GRID2: variants seen among roughly 807,000 people sequenced by gnomAD.
GRID2 encodes the protein glutamate receptor ionotropic, delta-2.
Under a neutral mutation model 114.8 loss-of-function variants are expected in GRID2, and 33 were observed. That is an observed-to-expected ratio of 0.29 (90% CI 0.22 to 0.38). GRID2 has a LOEUF of 0.38. GRID2 is among the 10% of genes least tolerant of loss of function. The pLI is 1.00. For missense variants in GRID2, 1,184 were observed against 1,257.7 expected (o/e 0.94, Z 0.89); for synonymous variants, 505 against 449.9 (o/e 1.12, Z -1.55).
chr4:93,780,256 G>A (rs1235834971), intron 1 of GRID2, among the ~76,000 whole-genome samples: 1 of 152,206 alleles, frequency 6.6e-6, no homozygotes, highest in African/African-American at 2.4e-5. Flanking sequence ...TAAATGGACT[G>A]AGGGAGTTAG....
At chr4:93,295,752 A>G (rs1262059761) in intron 8 of GRID2, among the ~76,000 whole-genome samples, 2 of 152,174 alleles carry the variant, frequency 1.3e-5, no homozygotes, top group Non-Finnish European at 2.9e-5. Flanking sequence ...TCAATTATTT[A>G]TAGGCTTTAA....
In GRID2 at chr4:92,672,561, T is replaced by C. The variant is rs972420896; in HGVS notation, c.244+82275T>C. The stretch of plus-strand genomic sequence containing the variant: ...TCTTGTCTTTTACTCAGTCCAACAG[T>C]TTCTAACTTAATAAGAGTGTTTGCT... On this transcript the variant is annotated intron_variant, in intron 2 of 15. Coordinates refer to ENST00000282020, the MANE Select transcript of GRID2 (RefSeq NM_001510.4). Among the ~76,000 whole-genome samples, 6 of 152,126 alleles carry C rather than the reference T, an allele frequency of 3.9e-5. No individual in the cohort carries two copies. The East Asian group carries it at 1.2e-3, about 29-fold the overall frequency.
intron 14 of GRID2, among the ~76,000 whole-genome samples, chr4:93,740,215 T>G (rs547267808): frequency 7.2e-5 from 11 of 152,224 alleles, no homozygotes; most frequent in Admixed American, 4.6e-4. Context: ...CTACACTGTA[T>G]AGCCTATGTG....
intron 4 of GRID2, among the ~76,000 whole-genome samples, chr4:93,183,263 T>G (rs965569273): frequency 6.6e-6 from 1 of 152,172 alleles, no homozygotes; most frequent in Non-Finnish European, 1.5e-5. Context: ...CTTCACAAAA[T>G]GTTTGACAGT....
intron 13 of GRID2, among the ~76,000 whole-genome samples, chr4:93,599,325 C>T (rs1457457833): frequency 1.3e-5 from 2 of 152,174 alleles, no homozygotes; most frequent in Admixed American, 6.5e-5. Context: ...CACAAGGAAA[C>T]TTAAAAGTGT....
chr4:92,679,928 A>AC (rs1733564014), intron 2 of GRID2, among the ~76,000 whole-genome samples: 2 of 151,672 alleles, frequency 1.3e-5, no homozygotes, highest in African/African-American at 4.8e-5. Flanking sequence ...AAAAAAAAAA[A>AC]CATATCAAAG....
chr4:93,530,440 T>C (rs1039411620), intron 13 of GRID2, among the ~76,000 whole-genome samples: 4 of 152,170 alleles, frequency 2.6e-5, no homozygotes, highest in African/African-American at 7.2e-5. Context: ...ACCAAGTTGC[T>C]GGCTTTGTCT....
chr4:93,364,625 T>C (rs975111740), intron 8 of GRID2, among the ~76,000 whole-genome samples: 1 of 151,952 alleles, frequency 6.6e-6, no homozygotes, highest in African/African-American at 2.4e-5. Flanking sequence ...CCCAGTCAAA[T>C]GCCACCACAT....
chr4:92,959,303 T>G (rs1435390642), intron 2 of GRID2, among the ~76,000 whole-genome samples: 1 of 152,020 alleles, frequency 6.6e-6, no homozygotes, highest in Admixed American at 6.6e-5. Context: ...TGTTAGATCT[T>G]TCTTCGTCTC....
chr4:92,929,264 TA>T (rs1260749646), intron 2 of GRID2, among the ~76,000 whole-genome samples: 1 of 151,310 alleles, frequency 6.6e-6, no homozygotes, highest in African/African-American at 2.4e-5. Context: ...GCTCTTTATC[TA>T]AAAAAGACTG....
chr4:92,547,190 C>T (rs945391354), intron 1 of GRID2, among the ~76,000 whole-genome samples: 4 of 152,036 alleles, frequency 2.6e-5, no homozygotes, highest in African/African-American at 9.7e-5. Context: ...GCCTCAGTTT[C>T]TCATGTATAA....
At chr4:92,967,075 T>G (rs1474671919) in intron 2 of GRID2, among the ~76,000 whole-genome samples, 2 of 151,296 alleles carry the variant, frequency 1.3e-5, no homozygotes, top group African/African-American at 2.4e-5. Context: ...GTGTACCCAC[T>G]TTATATGTAC....
Position 93,607,287 on chromosome 4 carries a change from T to G in GRID2, c.2194-18982T>G, listed in dbSNP as rs539394873. Among the ~76,000 whole-genome samples the G allele has an allele frequency of 2.8e-3, 422 of 152,280 alleles. 1 individual carries two copies. Among genetic ancestry groups the G allele is most frequent in the Non-Finnish European group, 4.4e-3 (302 of 68,000 alleles). On this transcript the variant is annotated intron_variant, in intron 13 of 15. Coordinates refer to ENST00000282020, the MANE Select transcript of GRID2 (RefSeq NM_001510.4). ...ATATAAGTCCTGGTCATTGTTGGTT[T>G]AAAAAATAGGATTACATTATAAATA... is the stretch of plus-strand genomic sequence containing the variant.
intron 2 of GRID2, among the ~76,000 whole-genome samples, chr4:92,922,026 C>A (rs1464325357): frequency 1.3e-5 from 2 of 152,176 alleles, no homozygotes; most frequent in Non-Finnish European, 2.9e-5. Context: ...CTTTGTTTAC[C>A]TACTCAAGCC....
At chr4:93,579,846 T>C (rs1332955802) in intron 13 of GRID2, among the ~76,000 whole-genome samples, 1 of 152,188 alleles carries the variant, frequency 6.6e-6, no homozygotes, top group Admixed American at 6.5e-5. Context: ...GCTTTCGTTT[T>C]CTTTATCCCT....
At chr4:92,375,610 G>T (rs2110226641) in intron 1 of GRID2, among the ~76,000 whole-genome samples, 1 of 152,162 alleles carries the variant, frequency 6.6e-6, no homozygotes, top group South Asian at 2.1e-4. Context: ...TTTAATGCCA[G>T]TAAAGGTATC....
intron 14 of GRID2, among the ~76,000 whole-genome samples, chr4:93,729,419 C>T (rs1231522464): frequency 6.6e-6 from 1 of 152,174 alleles, no homozygotes; most frequent in Non-Finnish European, 1.5e-5. Flanking sequence ...ATAACACCAC[C>T]TCTATACTCC....
intron 8 of GRID2, among the ~76,000 whole-genome samples, chr4:93,384,180 T>C (rs1178285763): frequency 6.6e-6 from 1 of 152,160 alleles, no homozygotes; most frequent in African/African-American, 2.4e-5. Flanking sequence ...ATAAGGGAGC[T>C]AATCCTATTC....
chr4:93,224,606 C>G lies in GRID2; in HGVS notation c.964-8C>G. On this transcript the variant is annotated splice_polypyrimidine_tract_variant and splice_region_variant and intron_variant, in intron 6 of 15. Coordinates refer to ENST00000282020, the MANE Select transcript of GRID2 (RefSeq NM_001510.4). ...GATTCTAATGATCACTTTCTAATGT[C>G]TTTTCAGATTTCCAACCTTTACATA... is the stretch of plus-strand genomic sequence containing the variant. 1 of 1,588,218 alleles carries G rather than the reference C, an allele frequency of 6.3e-7. No individual in the cohort carries two copies. Among genetic ancestry groups the G allele is most frequent in the Non-Finnish European group, 8.6e-7 (1 of 1,158,074 alleles).
Sources: allele counts gnomAD v4.1 joint callset (sites outside exome capture counted in the v4.1 genomes callset), GRCh38; gene constraint gnomAD v4.1.1; transcripts MANE v1.5; gene names NCBI Gene and HGNC (gene_info 2026-07-23, HGNC 2026-07-21).